The following FAT2 variants were observed in gnomAD, a reference collection of about 807,000 sequenced individuals.
FAT2 encodes FAT atypical cadherin 2, also known as protocadherin Fat 2.
A neutral mutation model predicts 295.3 loss-of-function variants in FAT2; 150 were observed. The ratio of observed to expected loss-of-function variants is 0.51; its 90% CI spans 0.44 to 0.58. FAT2 has a LOEUF of 0.58. Ranked by LOEUF, FAT2 falls within the 20% of genes least tolerant of loss-of-function variation. The pLI, the probability that FAT2 is intolerant of heterozygous loss-of-function variation, is 0.00. For missense variants in FAT2, 4,868 were observed against 5,442.7 expected (o/e 0.89, Z 3.32); for synonymous variants, 2,026 against 2,150.3 (o/e 0.94, Z 1.60).
chr5:151,572,318 A>T (rs1043540243), intron 1 of FAT2, among the ~76,000 whole-genome samples: 6 of 152,128 alleles, frequency 3.9e-5, no homozygotes, highest in African/African-American at 1.4e-4. Flanking sequence ...TAGGAAACAC[A>T]ATGACAGAAT....
intron 20 of FAT2, among the ~76,000 whole-genome samples, chr5:151,513,560 AAAG>A (rs1378507362): frequency 6.6e-6 from 1 of 152,208 alleles, no homozygotes; most frequent in Non-Finnish European, 1.5e-5. Context: ...ACAGGGACGC[AAAG>A]AAGGGAACAA....
At chr5:151,581,175 G>C (rs1200874576) in intron 1 of FAT2, among the ~76,000 whole-genome samples, 3 of 152,200 alleles carry the variant, frequency 2.0e-5, no homozygotes, top group Non-Finnish European at 4.4e-5. Context: ...CAAATCATGG[G>C]ACCTGACAGA....
upstream of FAT2, among the ~76,000 whole-genome samples, chr5:151,593,316 A>T (rs1022506622): frequency 7.1e-6 from 1 of 141,278 alleles, no homozygotes; most frequent in African/African-American, 3.2e-5. Context: ...TCGGGGGCCA[A>T]GGCTGGGCTC....
At position 151,565,907 on chromosome 5, in the gene FAT2, C is replaced by A. The variant is rs1284450126; in HGVS notation, c.3025G>T (p.Ala1009Ser). 6.2e-7 allele frequency: 1 copy of A among 1,614,030 alleles called. No homozygotes were observed. The highest frequency in any genetic ancestry group is 8.5e-7 in the Non-Finnish European group (1 of 1,180,016). ...TCCACATGGCAGAGAGTCCTGCGGGCTAGGGGCCTCCCACCATCACTGGCC... is the reference window on the plus strand; with the variant it reads ...TCCACATGGCAGAGAGTCCTGCGGGATAGGGGCCTCCCACCATCACTGGCC... The part of the protein sequence containing the change: ...LWASDGGRPL[A>S]RRTLCHVEVI... Residue 1009 changes from alanine to serine, a missense_variant, in exon 2 of 24, where the codon GCC becomes TCC. By Grantham distance (99) the Ala-to-Ser change is moderately conservative. Transcript: ENST00000261800.
chr5:151,567,802 G>A lies in FAT2; in HGVS notation c.1130C>T (p.Pro377Leu), dbSNP rs918150973. The stretch of plus-strand genomic sequence containing the variant: ...TCTCACCATCACCACGCGGCTGCCA[G>A]GAGGGGAAAACTCACTAAGCTGCAC... ...YRVQLSEFSP[P>L]GSRVVMVRVT... The change falls in exon 2 of 24, where the codon CCT (proline) becomes CTT (leucine). Residue 377 changes from proline (P) to leucine (L), a missense_variant. This residue lies in a region of FAT2 where 3,297 missense variants were observed against 3,669.4 expected (regional missense o/e 0.90). Transcript: ENST00000261800. 3 of 1,614,088 alleles carry A rather than the reference G, an allele frequency of 1.9e-6. No individual in the cohort carries two copies. Among genetic ancestry groups the A allele is most frequent in the African/African-American group, 1.3e-5 (1 of 74,926 alleles).
rs150831986 is a variant in FAT2, at chr5:151,546,167, C to G, written c.4960G>C (p.Asp1654His). The change falls in exon 10 of 24, where the codon GAT (aspartate) becomes CAT (histidine). Residue 1654 changes from aspartate (D) to histidine (H), a missense_variant. Physicochemically the swap from Asp to His is moderately conservative, Grantham distance 81. Coordinates refer to ENST00000261800, the MANE Select transcript of FAT2 (RefSeq NM_001447.3). ...TTTGAAAAGATGGGGGCACTCCTAT[C>G]TGAGGGATAGACATGAATGATCACT... The part of the protein sequence containing the change: ...ATVIIHVYPS[D>H]RSAPIFSKSE... 2,045 of 1,614,140 alleles carry G rather than the reference C, an allele frequency of 1.3e-3. 30 individuals are homozygous for G. The East Asian group carries it at 0.028, about 22-fold the overall frequency.
rs1230168058 is a variant in FAT2 at position 151,572,642 on chromosome 5, C to G, written c.-20-3691G>C. Among the ~76,000 whole-genome samples the G allele has an allele frequency of 2.0e-5, 3 of 152,340 alleles. No homozygotes were observed. In the East Asian group the frequency reaches 5.8e-4, roughly 29 times the overall value. ...TATTCATAGGGTTTTATGGAGACTA[C>G]ATAAGATCGTGCACGTTAATGTACT... On this transcript the variant is annotated intron_variant, in intron 1 of 23. Coordinates refer to ENST00000261800, the MANE Select transcript of FAT2 (RefSeq NM_001447.3).
chr5:151,532,695 T>G (rs202105721), intron 13 of FAT2, among the ~76,000 whole-genome samples: 1 of 126,766 alleles, frequency 7.9e-6, no homozygotes, highest in Non-Finnish European at 1.8e-5. Context: ...TCCAGCTTTG[T>G]CTCCAATTCT....
At chr5:151,572,569 C>T (rs2127653770) in intron 1 of FAT2, among the ~76,000 whole-genome samples, 1 of 152,336 alleles carries the variant, frequency 6.6e-6, no homozygotes, top group East Asian at 1.9e-4. Flanking sequence ...ATTCCTGAAC[C>T]TCAGCTTTTT....
intron 19 of FAT2, among the ~76,000 whole-genome samples, chr5:151,518,348 C>CTAATAA (rs3056491): frequency 0.056 from 5,727 of 101,440 alleles, 150 homozygotes; most frequent in South Asian, 0.061. Context: ...GACCATGTCT[C>CTAATAA]TAATAATAAT....
chr5:151,526,654 A>G (rs1037061247), intron 17 of FAT2, among the ~76,000 whole-genome samples: 1 of 152,184 alleles, frequency 6.6e-6, no homozygotes, highest in East Asian at 1.9e-4. Context: ...CAGAAAAGAT[A>G]TTTTTAGTCA....
In FAT2 at chr5:151,531,770, C is replaced by A. The variant is rs1371881620; in HGVS notation, c.9628G>T (p.Gly3210Cys). 6.2e-7 allele frequency: 1 copy of A among 1,612,508 alleles called. No homozygotes were observed. Among genetic ancestry groups the A allele is most frequent in the Admixed American group, 1.7e-5 (1 of 60,022 alleles). Residue 3210 changes from glycine (G) to cysteine (C), a missense_variant, in exon 14 of 24, where the codon GGC becomes TGC. Physicochemically the swap from Gly to Cys is radical, Grantham distance 159 (BLOSUM62 -3). Around this residue, in one of 5 missense-constraint regions of FAT2, gnomAD observed 1,046 missense variants for 1,210.1 expected, o/e 0.86. Coordinates refer to ENST00000261800, the MANE Select transcript of FAT2 (RefSeq NM_001447.3). The surrounding 1 kb of genome is among the most constrained non-coding windows in gnomAD (Gnocchi z 5.7). ...TLGTVTVSVV[G>C]LEDYLPVFLN... Reference sequence around the variant, plus strand: ...AACACGGGCAGGTAGTCTTCTAGGCCCACCACCGAGACTGTGACGGTGCCC... The same window carrying A: ...AACACGGGCAGGTAGTCTTCTAGGCACACCACCGAGACTGTGACGGTGCCC...
At chr5:151,588,275 C>T (rs766206) in intron 1 of FAT2, among the ~76,000 whole-genome samples, 80,993 of 152,022 alleles carry the variant, frequency 0.53, 22,318 homozygotes, top group Non-Finnish European at 0.61. Flanking sequence ...TGGGAGCCAA[C>T]TGGCCTTCAA....
In FAT2 at chr5:151,543,698, A is replaced by G. The variant is rs749356461; in HGVS notation, c.7429T>C (p.Tyr2477His). ...VYINTTNANK[Y>H]SPEFQQHLYE... ...AGGTGCTGCTGGAACTCTGGGCTGTACTTGTTGGCATTTGTAGTGTTGATG... is the reference window on the plus strand; with the variant it reads ...AGGTGCTGCTGGAACTCTGGGCTGTGCTTGTTGGCATTTGTAGTGTTGATG... Residue 2477 changes from tyrosine to histidine, a missense_variant, in exon 10 of 24, where the codon TAC becomes CAC. Transcript: ENST00000261800. The G allele has an allele frequency of 2.5e-6, 4 of 1,614,124 alleles. No homozygotes were observed. In the South Asian group the frequency reaches 3.3e-5, roughly 13 times the overall value.
At chr5:151,555,912 G>A (rs918064007) in intron 4 of FAT2, among the ~76,000 whole-genome samples, 3 of 152,082 alleles carry the variant, frequency 2.0e-5, no homozygotes, top group African/African-American at 7.2e-5. Flanking sequence ...CAGGCACCAG[G>A]AATGCCTATG....
In FAT2 at chr5:151,563,503, G is replaced by T; in HGVS notation, c.3396C>A (p.Asp1132Glu). 1 of 1,614,156 alleles carries T rather than the reference G, an allele frequency of 6.2e-7. No individual in the cohort carries two copies. The highest frequency in any genetic ancestry group is 8.5e-7 in the Non-Finnish European group (1 of 1,180,026). Residue 1132 changes from aspartate to glutamate, a missense_variant, in exon 3 of 24, where the codon GAC (aspartate) becomes GAA (glutamate). By Grantham distance (45) the Asp-to-Glu change is conservative. Coordinates refer to ENST00000261800, the MANE Select transcript of FAT2 (RefSeq NM_001447.3). ...CAGCTTGGGACATCTGGGGTGGGTT[G>T]TCATTGGCATCCGTAACCTCGATGT... ...EVYIEVTDAN[D>E]NPPQMSQAVF...
Position 151,568,916 on chromosome 5 carries a change from G to GC in FAT2, c.15dup (p.Leu6AlafsTer14). The GC allele has an allele frequency of 6.2e-7, 1 of 1,609,730 alleles. No individual in the cohort carries two copies. The highest frequency in any genetic ancestry group is 1.1e-5 in the South Asian group (1 of 90,106). On this transcript the variant is annotated frameshift_variant, in exon 2 of 24. Transcript: ENST00000261800. LOFTEE classifies it high-confidence loss of function. ...TGGAGCAAGAATATGGCAAAACCCA[G>GC]CAGGGCAATAGTCATGGTGGAAAAC...
At position 151,521,266 on chromosome 5, in the gene FAT2, T is replaced by A; in HGVS notation, c.11317+10A>T. 6.3e-7 allele frequency: 1 copy of A among 1,595,466 alleles called. No homozygotes were observed. The highest frequency in any genetic ancestry group is 8.6e-7 in the Non-Finnish European group (1 of 1,168,664). ...GTGCTGCTCGTCCCTAGGGAAGATG[T>A]AGTACTTACCATTGCAGGAGCAGCT... is the stretch of plus-strand genomic sequence containing the variant. On this transcript the variant is annotated intron_variant, in intron 19 of 23. Coordinates refer to ENST00000261800, the MANE Select transcript of FAT2 (RefSeq NM_001447.3).
chr5:151,542,155 G>A, intron 10 of FAT2, 130 bp downstream of exon 10: 1 of 782,194 alleles, frequency 1.3e-6, no homozygotes, highest in South Asian at 1.8e-5. Context: ...AGGTCCTAGG[G>A]GGTTAAGTGT....
Sources: allele counts gnomAD v4.1 joint callset (sites outside exome capture counted in the v4.1 genomes callset), GRCh38; gene constraint gnomAD v4.1.1; regional missense constraint gnomAD v4.1.1; non-coding constraint Gnocchi (gnomAD v3.1); transcripts MANE v1.5; gene names NCBI Gene and HGNC (gene_info 2026-07-23, HGNC 2026-07-21).